The following DCC variants were observed in gnomAD, a reference collection of about 807,000 sequenced individuals.
DCC encodes DCC netrin 1 receptor, also known as netrin receptor DCC.
A neutral mutation model predicts 172.5 loss-of-function variants in DCC; 58 were observed. The observed-to-expected ratio is 0.34, with a 90% CI of 0.27 to 0.42. The LOEUF is 0.42. Among genes scored for constraint, DCC ranks in the 10% least tolerant of loss-of-function variants. DCC has a pLI of 1.00. For missense variants in DCC, 1,740 were observed against 1,791.0 expected (o/e 0.97, Z 0.51); for synonymous variants, 709 against 644.5 (o/e 1.10, Z -1.52).
chr18:53,440,166 G>T (rs2145128247), intron 22 of DCC, among the ~76,000 whole-genome samples: 1 of 152,260 alleles, frequency 6.6e-6, no homozygotes, highest in East Asian at 1.9e-4. Context: ...GTTTATATTT[G>T]TATAAATGAC....
chr18:53,137,294 T>C (rs2043758331), intron 7 of DCC, among the ~76,000 whole-genome samples: 1 of 152,190 alleles, frequency 6.6e-6, no homozygotes, highest in African/African-American at 2.4e-5. Context: ...CCACTTCCAA[T>C]CTCTCAGATT....
chr18:52,458,893 CT>C (rs996182193), intron 1 of DCC, among the ~76,000 whole-genome samples: 1 of 152,072 alleles, frequency 6.6e-6, no homozygotes, highest in African/African-American at 2.4e-5. Flanking sequence ...ATTTAATTGT[CT>C]TTTATTATTG....
At chr18:52,935,029 G>A (rs542255489) in intron 5 of DCC, 13 of 152,248 alleles carry the variant, frequency 8.5e-5, no homozygotes, top group South Asian at 2.1e-4. Context: ...TGCTGTATGC[G>A]TTACAGAACA....
At chr18:52,527,362 C>G (rs1271571904) in intron 1 of DCC, among the ~76,000 whole-genome samples, 3 of 152,126 alleles carry the variant, frequency 2.0e-5, no homozygotes, top group African/African-American at 7.2e-5. Context: ...AGTGGTGGTT[C>G]TTTTGCTATA....
chr18:53,417,866 C>T (rs748947205), intron 21 of DCC, among the ~76,000 whole-genome samples: 6 of 152,020 alleles, frequency 3.9e-5, no homozygotes, highest in Non-Finnish European at 8.8e-5. Flanking sequence ...TTTTAAACCA[C>T]CACACATATA....
intron 1 of DCC, among the ~76,000 whole-genome samples, chr18:52,564,186 G>C (rs1306349257): frequency 6.6e-6 from 1 of 152,046 alleles, no homozygotes; most frequent in Admixed American, 6.6e-5. Flanking sequence ...AAGGATTCAG[G>C]GTTCCAAAAG....
intron 5 of DCC, among the ~76,000 whole-genome samples, chr18:53,043,160 C>A (rs180930543): frequency 2.6e-5 from 4 of 151,988 alleles, no homozygotes; most frequent in Admixed American, 1.3e-4. Flanking sequence ...AGTTCATGCC[C>A]TTTACAAGGA....
At chr18:52,983,701 A>C (rs199802402) in intron 5 of DCC, among the ~76,000 whole-genome samples, 3 of 152,164 alleles carry the variant, frequency 2.0e-5, no homozygotes, top group Admixed American at 6.6e-5. Context: ...TTATTTCAGC[A>C]TCTGTAGCTG....
At chr18:52,583,034 A>C (rs1312974529) in intron 1 of DCC, among the ~76,000 whole-genome samples, 1 of 152,174 alleles carries the variant, frequency 6.6e-6, no homozygotes, top group Admixed American at 6.5e-5. Flanking sequence ...TCTGAGAGAC[A>C]GAAAATTCAA....
chr18:52,828,147 C>T (rs1358529371), intron 2 of DCC, among the ~76,000 whole-genome samples: 1 of 152,084 alleles, frequency 6.6e-6, no homozygotes, highest in Non-Finnish European at 1.5e-5. Flanking sequence ...CATGTTACTC[C>T]TCAGTTCATA....
At chr18:53,162,981 T>C (rs2054865519) in intron 8 of DCC, among the ~76,000 whole-genome samples, 1 of 152,216 alleles carries the variant, frequency 6.6e-6, no homozygotes, top group Non-Finnish European at 1.5e-5. Context: ...AGCTGAAATG[T>C]CAACTACTGT....
chr18:53,225,404 A>G (rs1361854014), intron 12 of DCC, among the ~76,000 whole-genome samples: 18 of 152,240 alleles, frequency 1.2e-4, no homozygotes, highest in Non-Finnish European at 2.6e-4. Context: ...AGACACAGCA[A>G]TGATGCAGAA....
intron 12 of DCC, among the ~76,000 whole-genome samples, chr18:53,300,999 C>A (rs931256719): frequency 1.2e-3 from 15 of 12,678 alleles, no homozygotes; most frequent in African/African-American, 2.1e-3. Context: ...CTTTTTTTTT[C>A]TTTTCTTTCT....
intron 5 of DCC, among the ~76,000 whole-genome samples, chr18:53,010,790 T>C (rs1401152387): frequency 2.6e-5 from 4 of 151,008 alleles, no homozygotes; most frequent in Non-Finnish European, 4.4e-5. Context: ...TTACACACTG[T>C]AAGTAAGAAA....
At chr18:52,361,228 G>T (rs1984604799) in intron 1 of DCC, among the ~76,000 whole-genome samples, 1 of 152,144 alleles carries the variant, frequency 6.6e-6, no homozygotes, top group Non-Finnish European at 1.5e-5. Context: ...AGTTTGAGAA[G>T]GAAATTGTTC....
intron 1 of DCC, among the ~76,000 whole-genome samples, chr18:52,367,164 G>C (rs1318447578): frequency 2.0e-5 from 3 of 152,206 alleles, no homozygotes; most frequent in Admixed American, 6.5e-5. Context: ...GCCCCTCATT[G>C]CCCGGGGCCA....
intron 1 of DCC, among the ~76,000 whole-genome samples, chr18:52,468,073 T>C (rs1988839326): frequency 6.6e-6 from 1 of 152,188 alleles, no homozygotes; most frequent in Admixed American, 6.5e-5. Flanking sequence ...GTAATAGTTA[T>C]GTTCATTCAT....
chr18:53,501,514 GAAT>G (rs2046097830), intron 27 of DCC, among the ~76,000 whole-genome samples: 1 of 150,874 alleles, frequency 6.6e-6, no homozygotes, highest in Non-Finnish European at 1.5e-5. Context: ...CTGAATTGAA[GAAT>G]ATATTTTCTC....
intron 5 of DCC, among the ~76,000 whole-genome samples, chr18:53,035,757 A>G (rs1167833526): frequency 6.6e-6 from 1 of 152,000 alleles, no homozygotes; most frequent in Non-Finnish European, 1.5e-5. Context: ...TATCATTTTT[A>G]TTGGCTTCAT....
Sources: gnomAD v4.1 joint callset for allele counts (sites outside exome capture counted in the v4.1 genomes callset) on GRCh38, gnomAD v4.1.1 for gene constraint, MANE v1.5 for transcripts, NCBI Gene and HGNC (gene_info 2026-07-23, HGNC 2026-07-21) for gene names.